CCSER1: variants seen among roughly 807,000 people sequenced by gnomAD.
CCSER1 encodes the protein serine-rich coiled-coil domain-containing protein 1.
Under a neutral mutation model 82.0 loss-of-function variants are expected in CCSER1, and 41 were observed. The ratio of observed to expected loss-of-function variants is 0.50; its 90% CI spans 0.39 to 0.65. The LOEUF (loss-of-function observed/expected upper bound fraction) is 0.65. Among genes scored for constraint, CCSER1 ranks in the 30% least tolerant of loss-of-function variants. The probability of loss-of-function intolerance (pLI) is 0.00; values close to 1 mark genes in which losing one functional copy is unlikely to be tolerated. For synonymous variants in CCSER1, 414 were observed against 383.9 expected (o/e 1.08, Z -0.92); for missense variants, 1,119 against 1,064.2 (o/e 1.05, Z -0.72).
At chr4:90,766,648 A>T (rs1006195203) in intron 7 of CCSER1, among the ~76,000 whole-genome samples, 10 of 151,976 alleles carry the variant, frequency 6.6e-5, no homozygotes, top group Admixed American at 5.9e-4. Context: ...AAAATAAAAA[A>T]ATATATATAT....
chr4:90,656,268 C>T (rs533856605), intron 6 of CCSER1, among the ~76,000 whole-genome samples: 1 of 151,848 alleles, frequency 6.6e-6, no homozygotes, highest in Admixed American at 6.6e-5. Flanking sequence ...TGTGTTAAAA[C>T]CTTCGAATAT....
intron 10 of CCSER1, among the ~76,000 whole-genome samples, chr4:91,394,314 A>G (rs1306804114): frequency 6.6e-6 from 1 of 152,120 alleles, no homozygotes; most frequent in Admixed American, 6.6e-5. Context: ...ACTGAGAGGT[A>G]ATTATTTTTA....
At chr4:90,357,223 T>C (rs1744533091) in intron 3 of CCSER1, among the ~76,000 whole-genome samples, 1 of 151,978 alleles carries the variant, frequency 6.6e-6, no homozygotes, top group Admixed American at 6.6e-5. Flanking sequence ...ATATTATGCA[T>C]GTTTATCATA....
chr4:90,722,112 T>C (rs1174074608), intron 6 of CCSER1, among the ~76,000 whole-genome samples: 1 of 151,764 alleles, frequency 6.6e-6, no homozygotes, highest in East Asian at 1.9e-4. Context: ...ACCTTGACTT[T>C]GCACTCCTCA....
intron 10 of CCSER1, among the ~76,000 whole-genome samples, chr4:91,362,747 A>T (rs1560612876): frequency 6.6e-6 from 1 of 151,696 alleles, no homozygotes; most frequent in Non-Finnish European, 1.5e-5. Flanking sequence ...TAAGTAGGTA[A>T]AATCTGATTC....
chr4:90,874,936 C>T (rs1020165974), intron 8 of CCSER1, among the ~76,000 whole-genome samples: 1 of 152,250 alleles, frequency 6.6e-6, no homozygotes, highest in Non-Finnish European at 1.5e-5. Flanking sequence ...GTCCCAGCTA[C>T]TCAGAAGGCT....
intron 10 of CCSER1, among the ~76,000 whole-genome samples, chr4:91,299,538 A>T (rs1359298908): frequency 6.6e-6 from 1 of 151,850 alleles, no homozygotes; most frequent in African/African-American, 2.4e-5. Context: ...TTTTTTGCAG[A>T]TGAAAAAGTA....
intron 10 of CCSER1, among the ~76,000 whole-genome samples, chr4:91,385,721 G>A (rs2149343900): frequency 6.6e-6 from 1 of 151,904 alleles, no homozygotes; most frequent in East Asian, 1.9e-4. Context: ...GGGAAAAGTG[G>A]ACAAAAAACT....
chr4:90,729,737 G>A (rs1744355358), intron 7 of CCSER1, among the ~76,000 whole-genome samples: 1 of 152,022 alleles, frequency 6.6e-6, no homozygotes. Context: ...TTAGCCTGGC[G>A]TGGTTGTGGG....
chr4:90,704,620 C>G lies in CCSER1; in HGVS notation c.1933-19294C>G, dbSNP rs1263636896. On this transcript the variant is annotated intron_variant, in intron 6 of 10. Coordinates refer to ENST00000509176, the MANE Select transcript of CCSER1 (RefSeq NM_001145065.2). ...TCACTTTCAGGTATACCAATCAGAC[C>G]TAGATTTGGTCTTTTCACATAGTCC... 1.1e-4 allele frequency among the ~76,000 whole-genome samples: 16 copies of G among 152,236 alleles called. No homozygotes were observed. In the South Asian group the frequency reaches 2.3e-3, roughly 22 times the overall value.
chr4:90,752,676 G>A (rs1232665236), intron 7 of CCSER1, among the ~76,000 whole-genome samples: 2 of 151,968 alleles, frequency 1.3e-5, no homozygotes, highest in Non-Finnish European at 2.9e-5. Flanking sequence ...TCCCCCTACA[G>A]CCTCTTCTCC....
intron 10 of CCSER1, among the ~76,000 whole-genome samples, chr4:91,535,311 C>A (rs1245863024): frequency 6.6e-6 from 1 of 151,518 alleles, no homozygotes; most frequent in Non-Finnish European, 1.5e-5. Context: ...TTAATTTAAC[C>A]AAAAAAACTT....
intron 9 of CCSER1, among the ~76,000 whole-genome samples, chr4:91,019,977 G>A (rs1739782098): frequency 6.6e-6 from 1 of 152,110 alleles, no homozygotes; most frequent in Non-Finnish European, 1.5e-5. Flanking sequence ...CTTTCAAACT[G>A]ATGATATGTG....
At chr4:91,124,650 T>C (rs1727353206) in intron 10 of CCSER1, among the ~76,000 whole-genome samples, 1 of 151,830 alleles carries the variant, frequency 6.6e-6, no homozygotes. Context: ...CATAATTTGA[T>C]AAACTCTTTG....
chr4:90,329,413 A>C (rs908830574), intron 3 of CCSER1, among the ~76,000 whole-genome samples: 5 of 152,196 alleles, frequency 3.3e-5, no homozygotes, highest in Admixed American at 3.3e-4. Flanking sequence ...AACGTGTCAA[A>C]ACTAGAAACA....
At chr4:91,339,291 G>A (rs1168864560) in intron 10 of CCSER1, among the ~76,000 whole-genome samples, 1 of 152,016 alleles carries the variant, frequency 6.6e-6, no homozygotes, top group Non-Finnish European at 1.5e-5. Context: ...AAATGATTGT[G>A]TAATAAATAT....
At chr4:90,403,790 G>T (rs1753295224) in intron 4 of CCSER1, 1 of 152,084 alleles carries the variant, frequency 6.6e-6, no homozygotes, top group Non-Finnish European at 1.5e-5. Flanking sequence ...TACTATAATG[G>T]CCAAGATTGA....
rs185893770 is a variant in CCSER1, at chr4:91,583,479, G to A, written c.2218-15093G>A. The stretch of plus-strand genomic sequence containing the variant: ...TGTTTCCTTCCACTCCTGAGTAGAT[G>A]GTGCTAATTATGATATGTTCTGAGT... On this transcript the variant is annotated intron_variant, in intron 10 of 10. Coordinates refer to ENST00000509176, the MANE Select transcript of CCSER1 (RefSeq NM_001145065.2). Among the ~76,000 whole-genome samples the A allele has an allele frequency of 1.8e-3, 277 of 151,336 alleles. 6 individuals are homozygous for A. The highest frequency in any genetic ancestry group is 0.017 in the Admixed American group (252 of 15,096).
At chr4:91,197,183 A>G (rs1014443331) in intron 10 of CCSER1, among the ~76,000 whole-genome samples, 2 of 152,210 alleles carry the variant, frequency 1.3e-5, no homozygotes, top group Non-Finnish European at 2.9e-5. Flanking sequence ...TGCTGGCCTC[A>G]GAACCACACA....
Sources: gnomAD v4.1 joint callset for allele counts (sites outside exome capture counted in the v4.1 genomes callset) on GRCh38, gnomAD v4.1.1 for gene constraint, MANE v1.5 for transcripts, NCBI Gene and HGNC (gene_info 2026-07-23, HGNC 2026-07-21) for gene names.